AATF: variants seen among roughly 807,000 people sequenced by gnomAD.
AATF encodes apoptosis antagonizing transcription factor.
Under a neutral mutation model 63.7 loss-of-function variants are expected in AATF, and 48 were observed. The ratio of observed to expected loss-of-function variants is 0.75; its 90% CI spans 0.60 to 0.96. The LOEUF is 0.96. Among genes scored for constraint, AATF ranks in the 40% least tolerant of loss-of-function variants. The pLI, the probability that AATF is intolerant of heterozygous loss-of-function variation, is 0.00. For synonymous variants in AATF, 258 were observed against 247.7 expected (o/e 1.04, Z -0.39); for missense variants, 639 against 685.7 (o/e 0.93, Z 0.76).
chr17:36,949,269 G>C (rs2042022775), intron 1 of AATF, 53 bp downstream of exon 1: 2 of 1,506,246 alleles, frequency 1.3e-6, no homozygotes, highest in Non-Finnish European at 1.8e-6. Context: ...AGGCCCTGTG[G>C]GGCAAGGGGG....
chr17:37,005,535 G>A (rs2071335108), intron 8 of AATF, among the ~76,000 whole-genome samples: 1 of 152,206 alleles, frequency 6.6e-6, no homozygotes, highest in Non-Finnish European at 1.5e-5. Context: ...ATACAAGTTA[G>A]TACTACCCTT....
chr17:36,961,075 G>T (rs536103325), intron 4 of AATF, among the ~76,000 whole-genome samples: 4 of 152,060 alleles, frequency 2.6e-5, no homozygotes, highest in Non-Finnish European at 5.9e-5. Context: ...AACAGAAAAT[G>T]GAATCATATA....
At chr17:36,976,278 T>C (rs1181294107) in intron 4 of AATF, among the ~76,000 whole-genome samples, 1 of 152,260 alleles carries the variant, frequency 6.6e-6, no homozygotes, top group Non-Finnish European at 1.5e-5. Context: ...TTTCAATTTC[T>C]GTATCTGTAA....
chr17:37,037,390 A>C (rs1009785515), intron 11 of AATF, among the ~76,000 whole-genome samples: 2 of 152,214 alleles, frequency 1.3e-5, no homozygotes, highest in Non-Finnish European at 2.9e-5. Context: ...AAGGAGAAGA[A>C]AAGGCTTGAC....
intron 4 of AATF, among the ~76,000 whole-genome samples, chr17:36,960,897 A>G (rs1452598212): frequency 6.6e-6 from 1 of 152,210 alleles, no homozygotes; most frequent in Non-Finnish European, 1.5e-5. Flanking sequence ...TCTAATTATA[A>G]AAGTATGTCA....
At chr17:36,986,434 G>A (rs2071169244) in intron 4 of AATF, among the ~76,000 whole-genome samples, 183 bp from the exon 5 acceptor site, 1 of 152,200 alleles carries the variant, frequency 6.6e-6, no homozygotes, top group South Asian at 2.1e-4. Flanking sequence ...AATCCTGTGA[G>A]GTAGGCAACG....
chr17:36,950,424 A>T lies in AATF; in HGVS notation c.283+19A>T. Reference sequence around the variant, plus strand: ...TCGTCTGGTGAGTAGACATTTTTGAATGGAACTCTTCTCTTCCCTAATTTT... The same window carrying T: ...TCGTCTGGTGAGTAGACATTTTTGATTGGAACTCTTCTCTTCCCTAATTTT... On this transcript the variant is annotated intron_variant, in intron 2 of 11. Coordinates refer to ENST00000619387, the MANE Select transcript of AATF (RefSeq NM_012138.4). The T allele has an allele frequency of 6.2e-7, 1 of 1,608,070 alleles. No homozygotes were observed.
intron 8 of AATF, among the ~76,000 whole-genome samples, chr17:37,010,623 G>A (rs564685597): frequency 6.8e-4 from 103 of 152,278 alleles, no homozygotes; most frequent in Admixed American, 1.4e-3. Context: ...GAGTCCATGA[G>A]TACAGTGTAC....
chr17:37,037,004 C>CTTTTT (rs2071597712), intron 11 of AATF, among the ~76,000 whole-genome samples: 3 of 144,326 alleles, frequency 2.1e-5, no homozygotes, highest in African/African-American at 7.8e-5. Flanking sequence ...ACAGCATCAT[C>CTTTTT]TTTTTGTTTT....
chr17:36,960,123 C>A (rs983395984), intron 4 of AATF, among the ~76,000 whole-genome samples: 2 of 152,056 alleles, frequency 1.3e-5, no homozygotes, highest in Non-Finnish European at 2.9e-5. Flanking sequence ...AAGTGATTCT[C>A]CTGCCTCAGC....
chr17:37,000,232 T>C (rs114375123), intron 8 of AATF, among the ~76,000 whole-genome samples: 1,573 of 152,114 alleles, frequency 0.01, 25 homozygotes, highest in African/African-American at 0.036. Flanking sequence ...GGATTCTGGA[T>C]TTATGTTGAA....
At chr17:36,975,668 GGGT>G (rs2071074343) in intron 4 of AATF, among the ~76,000 whole-genome samples, 1 of 152,118 alleles carries the variant, frequency 6.6e-6, no homozygotes, top group Admixed American at 6.5e-5. Context: ...TATTTCCTGA[GGGT>G]TAGTTTCTAG....
At chr17:36,985,800 C>T (rs1246942636) in intron 4 of AATF, among the ~76,000 whole-genome samples, 3 of 152,078 alleles carry the variant, frequency 2.0e-5, no homozygotes, top group East Asian at 3.9e-4. Context: ...CCACCCGTCT[C>T]GGCCTCCCAA....
rs35410946 is a variant in AATF, at chr17:36,956,673, C to CA, written c.832+2781dup. On this transcript the variant is annotated intron_variant, in intron 4 of 11. Coordinates refer to ENST00000619387, the MANE Select transcript of AATF (RefSeq NM_012138.4). ...GGGCAACAAGAGTGAAACTCCGTCT[C>CA]AAAAAAAAAAAAAAAGTTCTTGGCC... is the stretch of plus-strand genomic sequence containing the variant. 9.6e-3 allele frequency among the ~76,000 whole-genome samples: 871 copies of CA among 90,740 alleles called. 10 individuals are homozygous for CA. Among genetic ancestry groups the CA allele is most frequent in the African/African-American group, 0.029 (697 of 23,862 alleles). 59.5% of individuals were successfully genotyped at this position (90,740 alleles called of 152,430 possible). A position where few individuals can be genotyped will look rare whatever the true frequency, so the allele number is the denominator to read the frequency against.
intron 8 of AATF, among the ~76,000 whole-genome samples, chr17:36,996,857 T>C (rs2071258633): frequency 6.6e-6 from 1 of 152,226 alleles, no homozygotes; most frequent in Admixed American, 6.5e-5. Flanking sequence ...TTCAGGTTTC[T>C]TGCTTTAAAA....
At chr17:37,035,103 G>A (rs986930257) in intron 11 of AATF, among the ~76,000 whole-genome samples, 16 of 150,064 alleles carry the variant, frequency 1.1e-4, no homozygotes, top group African/African-American at 3.4e-4. Flanking sequence ...CAGCCTGGGC[G>A]ACAGAATGAG....
intron 4 of AATF, among the ~76,000 whole-genome samples, chr17:36,962,308 T>C (rs527584141): frequency 6.6e-6 from 1 of 152,348 alleles, no homozygotes; most frequent in Admixed American, 6.5e-5. Context: ...TAGGCATTTA[T>C]ATAATGTAGA....
chr17:36,985,061 G>A (rs989646102), intron 4 of AATF, among the ~76,000 whole-genome samples: 7 of 151,758 alleles, frequency 4.6e-5, no homozygotes, highest in African/African-American at 1.5e-4. Context: ...ACCACCGTGC[G>A]CGGCTAATTT....
intron 11 of AATF, among the ~76,000 whole-genome samples, chr17:37,042,810 C>T (rs1306241440): frequency 1.2e-4 from 18 of 148,982 alleles, no homozygotes; most frequent in Non-Finnish European, 2.4e-4. Context: ...GGTACCATCT[C>T]GGCTCATTGC....
Sources: gnomAD v4.1 joint callset for allele counts (sites outside exome capture counted in the v4.1 genomes callset) on GRCh38, gnomAD v4.1.1 for gene constraint, MANE v1.5 for transcripts, NCBI Gene and HGNC (gene_info 2026-07-23, HGNC 2026-07-21) for gene names.